The following PKD2L1 variants were observed in gnomAD, a reference collection of about 807,000 sequenced individuals.
The protein encoded by PKD2L1 is polycystin 2 like 1, transient receptor potential cation channel.
PKD2L1 carries 77 observed loss-of-function variants against 93.0 expected under a neutral mutation model. The observed-to-expected ratio is 0.83, with a 90% CI of 0.69 to 1.00. PKD2L1 has a LOEUF of 1.00. PKD2L1 is among the 50% of genes least tolerant of loss of function. The pLI, the probability that PKD2L1 is intolerant of heterozygous loss-of-function variation, is 0.00. For synonymous variants in PKD2L1, 390 were observed against 388.0 expected (o/e 1.01, Z -0.06); for missense variants, 977 against 990.9 (o/e 0.99, Z 0.19).
chr10:100,302,256 T>C (rs7475811), intron 2 of PKD2L1, among the ~76,000 whole-genome samples: 5 of 147,020 alleles, frequency 3.4e-5, no homozygotes, highest in Non-Finnish European at 5.9e-5. Context: ...CACACACGCA[T>C]ACACACACAC....
At chr10:100,292,446 T>G (rs1848424746) in intron 11 of PKD2L1, among the ~76,000 whole-genome samples, 1 of 151,874 alleles carries the variant, frequency 6.6e-6, no homozygotes, top group Non-Finnish European at 1.5e-5. Flanking sequence ...TGAGCCGAGA[T>G]TGTGCAACTG....
chr10:100,313,605 A>T (rs1848981251), intron 2 of PKD2L1, among the ~76,000 whole-genome samples: 1 of 152,198 alleles, frequency 6.6e-6, no homozygotes, highest in African/African-American at 2.4e-5. Flanking sequence ...CCATGACCGA[A>T]CCATATGTTC....
At position 100,330,210 on chromosome 10, in the gene PKD2L1, C is replaced by T. The variant is rs1849477030; in HGVS notation, c.-107G>A. 14 of 644,668 alleles carry T rather than the reference C, an allele frequency of 2.2e-5. No homozygotes were observed. The highest frequency in any genetic ancestry group is 1.9e-4 in the South Asian group (9 of 47,844). The allele number at this position is 644,668 out of a possible 1,614,324, so 39.9% of individuals were successfully genotyped here. A position where few individuals can be genotyped will look rare whatever the true frequency, so the allele number is the denominator to read the frequency against. On this transcript the variant is annotated 5_prime_UTR_variant, in exon 1 of 16. Coordinates refer to ENST00000318222, the MANE Select transcript of PKD2L1 (RefSeq NM_016112.3). ...AGCCAGCAGAGAGCAAATGGAAAGG[C>T]GTCTGAGAGCAGCTGTTTCCACACA...
intron 2 of PKD2L1, among the ~76,000 whole-genome samples, chr10:100,318,514 T>G (rs2133566811): frequency 6.7e-6 from 1 of 148,682 alleles, no homozygotes; most frequent in East Asian, 1.9e-4. Context: ...TGAGATGTTT[T>G]TCTTTTCTTT....
At chr10:100,316,596 C>A (rs957362927) in intron 2 of PKD2L1, among the ~76,000 whole-genome samples, 5 of 152,220 alleles carry the variant, frequency 3.3e-5, no homozygotes, top group Non-Finnish European at 7.3e-5. Flanking sequence ...CAGCATTTTG[C>A]TAATAAGCTC....
chr10:100,290,286 G>A (rs980313957), intron 13 of PKD2L1, 115 bp downstream of exon 13: 7 of 1,263,862 alleles, frequency 5.5e-6, no homozygotes, highest in African/African-American at 2.9e-5. Flanking sequence ...AAAGGGGAGC[G>A]GAGGTTCTCC....
At chr10:100,303,257 G>C (rs1190847602) in intron 2 of PKD2L1, among the ~76,000 whole-genome samples, 3 of 143,648 alleles carry the variant, frequency 2.1e-5, no homozygotes, top group African/African-American at 2.7e-5. Flanking sequence ...GCAATGGCAC[G>C]ATCTCGGCTC....
Position 100,311,873 on chromosome 10 carries a change from G to T in PKD2L1, c.350-12155C>A, listed in dbSNP as rs1417661371. ...GAACTATTATATATACACTTTTTTT[G>T]ACACTCAAAAGTCAACTGTTCCTTC... On this transcript the variant is annotated intron_variant, in intron 2 of 15. Transcript: ENST00000318222. Among the ~76,000 whole-genome samples, 6 of 151,784 alleles carry T rather than the reference G, an allele frequency of 4.0e-5. No individual in the cohort carries two copies. In the East Asian group the frequency reaches 1.2e-3, roughly 29 times the overall value.
At chr10:100,329,827 C>T (rs1238843899) in intron 1 of PKD2L1, 42 bp downstream of exon 1, 2 of 1,402,530 alleles carry the variant, frequency 1.4e-6, no homozygotes, top group Non-Finnish European at 2.0e-6. Flanking sequence ...GTGACTCCTC[C>T]TGATTCTAAT....
At position 100,288,417 on chromosome 10, in the gene PKD2L1, A is replaced by C. The variant is rs781695088; in HGVS notation, c.2397T>G (p.Ile799Met). 2 of 1,611,998 alleles carry C rather than the reference A, an allele frequency of 1.2e-6. No homozygotes were observed. Among genetic ancestry groups the C allele is most frequent in the Admixed American group, 1.7e-5 (1 of 60,004 alleles). ...ACACTTAACTCCTCTGCAACGTTGG[A>C]ATCTCACCACGGGAGAGTCTCCTCT... Reference protein sequence around the residue: ...LEERRLSRGEIPTLQRS With the variant: ...LEERRLSRGEMPTLQRS The change falls in exon 16 of 16, where the codon ATT becomes ATG. Residue 799 changes from isoleucine to methionine, a missense_variant. Coordinates refer to ENST00000318222, the MANE Select transcript of PKD2L1 (RefSeq NM_016112.3).
intron 2 of PKD2L1, among the ~76,000 whole-genome samples, chr10:100,318,837 TTCTC>T (rs58305179): frequency 0.18 from 26,618 of 149,510 alleles, 2,998 homozygotes; most frequent in Non-Finnish European, 0.26. Flanking sequence ...TTTTCTTTTT[TTCTC>T]TCTCTCTATC....
chr10:100,296,953 C>T, intron 6 of PKD2L1, 27 bp downstream of exon 6: 1 of 1,505,750 alleles, frequency 6.6e-7, no homozygotes, highest in Non-Finnish European at 9.2e-7. Flanking sequence ...CCCAGAATGT[C>T]CCAAGTCCTA....
At chr10:100,304,764 C>T (rs4919449) in intron 2 of PKD2L1, among the ~76,000 whole-genome samples, 1,622 of 152,258 alleles carry the variant, frequency 0.011, 19 homozygotes, top group Middle Eastern at 0.037. Context: ...GAATCATAGG[C>T]GTGAGCCACC....
intron 2 of PKD2L1, among the ~76,000 whole-genome samples, chr10:100,317,915 T>TA (rs901105793): frequency 1.3e-4 from 20 of 151,722 alleles, no homozygotes; most frequent in East Asian, 3.9e-4. Context: ...CCATCTCTAC[T>TA]AAAAAAAACC....
chr10:100,294,549 A>T lies in PKD2L1; in HGVS notation c.1645T>A (p.Phe549Ile). The change falls in exon 9 of 16, where the codon TTC becomes ATC. Residue 549 changes from phenylalanine (F) to isoleucine (I), a missense_variant. Coordinates refer to ENST00000318222, the MANE Select transcript of PKD2L1 (RefSeq NM_016112.3). The stretch of plus-strand genomic sequence containing the variant: ...GAGACCCTCACCAGGAGCACGAAGA[A>T]GACGAAGAAGACATAGGTGACAAAG... The part of the protein sequence containing the change: ...AYFVTYVFFV[F>I]FVLLNMFLAI... 1.2e-6 allele frequency: 2 copies of T among 1,614,092 alleles called. No homozygotes were observed. The highest frequency in any genetic ancestry group is 1.7e-6 in the Non-Finnish European group (2 of 1,179,986).
In PKD2L1 at chr10:100,294,700, C is replaced by T. The variant is rs776181312; in HGVS notation, c.1539-45G>A. The T allele has an allele frequency of 1.9e-6, 3 of 1,611,994 alleles. No homozygotes were observed. In the South Asian group the frequency reaches 3.3e-5, roughly 18 times the overall value. On this transcript the variant is annotated intron_variant, in intron 8 of 15. Coordinates refer to ENST00000318222, the MANE Select transcript of PKD2L1 (RefSeq NM_016112.3). ...CTTTACCCAGAGCCTAACAAACACC[C>T]CCCATCCCACTTTCCTAATCACAGA...
In PKD2L1 at chr10:100,297,155, C is replaced by G. The variant is rs531765822; in HGVS notation, c.1010G>C (p.Arg337Pro). 6.2e-7 allele frequency: 1 copy of G among 1,614,068 alleles called. No homozygotes were observed. The highest frequency in any genetic ancestry group is 1.7e-5 in the Admixed American group (1 of 60,018). Residue 337 changes from arginine (R) to proline (P), a missense_variant, in exon 6 of 16, where the codon CGC (arginine) becomes CCC (proline). Transcript: ENST00000318222. ...GACATAGCGGATCAGCTTGACTGTGCGGATTTGCCAGGATGGGATGGCACC... is the reference window on the plus strand; with the variant it reads ...GACATAGCGGATCAGCTTGACTGTGGGGATTTGCCAGGATGGGATGGCACC... ...TGGAIPSWQIRTVKLIRYVSN... is the reference protein window; with the variant it reads ...TGGAIPSWQIPTVKLIRYVSN...
Position 100,288,346 on chromosome 10 carries a change from G to T in PKD2L1, c.*50C>A. ...TCCAGGTTCAGTGGACCAGGAGGCAGCCTCTTGCAGAAGATCCTTCATAGA... is the reference window on the plus strand; with the variant it reads ...TCCAGGTTCAGTGGACCAGGAGGCATCCTCTTGCAGAAGATCCTTCATAGA... On this transcript the variant is annotated 3_prime_UTR_variant, in exon 16 of 16. Transcript: ENST00000318222. 1 of 1,192,906 alleles carries T rather than the reference G, an allele frequency of 8.4e-7. No individual in the cohort carries two copies. The highest frequency in any genetic ancestry group is 1.3e-6 in the Non-Finnish European group (1 of 796,440). The allele number at this position is 1,192,906 out of a possible 1,614,324, so 73.9% of individuals were successfully genotyped here. A position where few individuals can be genotyped will look rare whatever the true frequency, so the allele number is the denominator to read the frequency against.
intron 2 of PKD2L1, among the ~76,000 whole-genome samples, chr10:100,300,355 C>T (rs532449481): frequency 1.9e-4 from 29 of 151,812 alleles, no homozygotes; most frequent in Admixed American, 5.9e-4. Context: ...AGCAATCACC[C>T]TGTGATTCTC....
Sources: allele counts gnomAD v4.1 joint callset (sites outside exome capture counted in the v4.1 genomes callset), GRCh38; gene constraint gnomAD v4.1.1; transcripts MANE v1.5; gene names NCBI Gene and HGNC (gene_info 2026-07-23, HGNC 2026-07-21).